The following ZMAT3 variants were observed in gnomAD, a reference collection of about 807,000 sequenced individuals.
The protein encoded by ZMAT3 is zinc finger matrin-type protein 3.
Under a neutral mutation model 32.3 loss-of-function variants are expected in ZMAT3, and 17 were observed. The ratio of observed to expected loss-of-function variants is 0.53; its 90% CI spans 0.36 to 0.79. The LOEUF is 0.79. Ranked by LOEUF, ZMAT3 falls within the 30% of genes least tolerant of loss-of-function variation. ZMAT3 has a pLI of 0.00. For synonymous variants in ZMAT3, 120 were observed against 133.1 expected (o/e 0.90, Z 0.68); for missense variants, 329 against 359.7 (o/e 0.91, Z 0.69).
chr3:179,055,946 C>T (rs1720820140), intron 2 of ZMAT3, among the ~76,000 whole-genome samples: 1 of 152,122 alleles, frequency 6.6e-6, no homozygotes, highest in Non-Finnish European at 1.5e-5. Context: ...CATTGGGACA[C>T]AGAATCAGAA....
intron 2 of ZMAT3, among the ~76,000 whole-genome samples, chr3:179,060,697 A>C (rs1285087673): frequency 6.6e-6 from 1 of 152,164 alleles, no homozygotes; most frequent in Non-Finnish European, 1.5e-5. Context: ...GAAGTACACA[A>C]ACTGAAAGGA....
In ZMAT3 at chr3:179,018,537, A is replaced by G. The variant is rs1043714036; in HGVS notation, c.*6480T>C. ...AGTTACTTTGGAAGCCATGAATTTT[A>G]TCAAACACACACAAGAATATGAATC... On this transcript the variant is annotated 3_prime_UTR_variant, in exon 6 of 6. Coordinates refer to ENST00000311417, the MANE Select transcript of ZMAT3 (RefSeq NM_022470.4). 3 of 152,148 alleles carry G rather than the reference A, an allele frequency of 2.0e-5. No individual in the cohort carries two copies. Among genetic ancestry groups the G allele is most frequent in the Admixed American group, 6.5e-5 (1 of 15,270 alleles). 9.4% of individuals were successfully genotyped at this position (152,148 alleles called of 1,614,324 possible). A position where few individuals can be genotyped will look rare whatever the true frequency, so the allele number is the denominator to read the frequency against.
intron 2 of ZMAT3, among the ~76,000 whole-genome samples, chr3:179,042,495 G>A (rs888408471): frequency 1.3e-5 from 2 of 152,148 alleles, no homozygotes; most frequent in African/African-American, 4.8e-5. Flanking sequence ...CTCAATAGAG[G>A]CAGAAAAGGC....
intron 2 of ZMAT3, among the ~76,000 whole-genome samples, chr3:179,045,329 T>C (rs1259194194): frequency 2.0e-5 from 3 of 152,208 alleles, no homozygotes; most frequent in East Asian, 3.9e-4. Context: ...GAGATAACCA[T>C]AAGGATGCTC....
intron 2 of ZMAT3, among the ~76,000 whole-genome samples, chr3:179,032,929 C>T (rs1184255564): frequency 3.9e-5 from 6 of 151,908 alleles, no homozygotes; most frequent in African/African-American, 9.7e-5. Flanking sequence ...TCTGCCCGGC[C>T]GCCCCGTCTG....
chr3:179,024,955 G>A lies in ZMAT3; in HGVS notation c.*62C>T. The A allele has an allele frequency of 6.7e-7, 1 of 1,502,100 alleles. No homozygotes were observed. Among genetic ancestry groups the A allele is most frequent in the Non-Finnish European group, 9.2e-7 (1 of 1,081,950 alleles). The allele number at this position is 1,502,100 out of a possible 1,614,324, so 93.0% of individuals were successfully genotyped here. On this transcript the variant is annotated 3_prime_UTR_variant, in exon 6 of 6. Coordinates refer to ENST00000311417, the MANE Select transcript of ZMAT3 (RefSeq NM_022470.4). ...TCATATCAAAAAGACCACAAAGCAG[G>A]GCAAGTTGACAAAAGGCAAACAACA...
chr3:179,040,695 T>C (rs953567882), intron 2 of ZMAT3, among the ~76,000 whole-genome samples: 1 of 152,050 alleles, frequency 6.6e-6, no homozygotes, highest in Non-Finnish European at 1.5e-5. Context: ...CCAGCAAACA[T>C]CATGACAGGA....
chr3:179,052,213 CAT>C (rs1261667028), intron 2 of ZMAT3, among the ~76,000 whole-genome samples: 1 of 151,126 alleles, frequency 6.6e-6, no homozygotes, highest in African/African-American at 2.4e-5. Flanking sequence ...ACAGACAACC[CAT>C]AGAGTAGGAG....
chr3:179,045,445 G>A (rs1383014911), intron 2 of ZMAT3, among the ~76,000 whole-genome samples: 1 of 152,160 alleles, frequency 6.6e-6, no homozygotes, highest in Non-Finnish European at 1.5e-5. Context: ...ACACTACACA[G>A]TAGTGAAAGT....
At chr3:179,032,444 C>T (rs1214203130) in intron 2 of ZMAT3, among the ~76,000 whole-genome samples, 6 of 151,962 alleles carry the variant, frequency 3.9e-5, no homozygotes, top group African/African-American at 1.4e-4. Context: ...AAGTGAGGAG[C>T]GTCTCTGCCT....
intron 2 of ZMAT3, among the ~76,000 whole-genome samples, chr3:179,031,843 G>A (rs1719214048): frequency 6.6e-6 from 1 of 151,322 alleles, no homozygotes; most frequent in African/African-American, 2.4e-5. Context: ...GGAGGCGGAG[G>A]TTGCAGTGAG....
At chr3:179,030,743 T>C in intron 3 of ZMAT3, 137 bp downstream of exon 3, 1 of 1,350,068 alleles carries the variant, frequency 7.4e-7, no homozygotes, top group Non-Finnish European at 9.9e-7. Flanking sequence ...GAGTTAAAAG[T>C]ACCAAGCAGC....
intron 2 of ZMAT3, among the ~76,000 whole-genome samples, chr3:179,058,731 G>A (rs1720989931): frequency 6.7e-6 from 1 of 149,692 alleles, no homozygotes. Flanking sequence ...ACTCCAGCCT[G>A]GGCGACAGAG....
intron 5 of ZMAT3, among the ~76,000 whole-genome samples, chr3:179,026,379 CTTT>C (rs1235818885): frequency 3.0e-5 from 2 of 65,922 alleles, no homozygotes; most frequent in African/African-American, 1.3e-4. Context: ...ATGAATTGTG[CTTT>C]TTTTTTTTTT....
chr3:179,038,082 T>C (rs1719703672), intron 2 of ZMAT3, among the ~76,000 whole-genome samples: 1 of 152,124 alleles, frequency 6.6e-6, no homozygotes, highest in Non-Finnish European at 1.5e-5. Flanking sequence ...GGGAGATACA[T>C]GTCAGCTAAA....
intron 1 of ZMAT3, among the ~76,000 whole-genome samples, chr3:179,070,362 T>C (rs531016047): frequency 4.7e-4 from 71 of 152,344 alleles, no homozygotes; most frequent in Middle Eastern, 3.4e-3. Context: ...GAAAAAATTC[T>C]TGCCAAACAC....
intron 2 of ZMAT3, among the ~76,000 whole-genome samples, chr3:179,039,440 C>T (rs1019115920): frequency 2.0e-5 from 3 of 152,176 alleles, no homozygotes; most frequent in African/African-American, 7.2e-5. Flanking sequence ...CCCAGGCAAA[C>T]CGGGTCTGGA....
At position 179,058,528 on chromosome 3, in the gene ZMAT3, G is replaced by A. The variant is rs1478217826; in HGVS notation, c.270+8955C>T. Among the ~76,000 whole-genome samples the A allele has an allele frequency of 3.3e-5, 5 of 152,124 alleles. No homozygotes were observed. In the East Asian group the frequency reaches 7.7e-4, roughly 23 times the overall value. On this transcript the variant is annotated intron_variant, in intron 2 of 5. Transcript: ENST00000311417. Reference sequence around the variant, plus strand: ...TCCCAGCACTTTGGGAGGCCGAGGCGGGCGGATCACGAGGTCAGGAGATCG... The same window carrying A: ...TCCCAGCACTTTGGGAGGCCGAGGCAGGCGGATCACGAGGTCAGGAGATCG...
chr3:179,054,286 T>G (rs1204871433), intron 2 of ZMAT3, among the ~76,000 whole-genome samples: 1 of 152,178 alleles, frequency 6.6e-6, no homozygotes, highest in African/African-American at 2.4e-5. Context: ...ATTATTAGTA[T>G]CATCCTCCTC....
Sources: gnomAD v4.1 joint callset for allele counts (sites outside exome capture counted in the v4.1 genomes callset) on GRCh38, gnomAD v4.1.1 for gene constraint, MANE v1.5 for transcripts, NCBI Gene and HGNC (gene_info 2026-07-23, HGNC 2026-07-21) for gene names.